C2CD2L: variants seen among roughly 807,000 people sequenced by gnomAD.
The protein encoded by C2CD2L is phospholipid transfer protein C2CD2L.
In C2CD2L, 24 loss-of-function variants were observed where a neutral mutation model predicts 69.9. The ratio of observed to expected loss-of-function variants is 0.34; its 90% CI spans 0.25 to 0.48. The LOEUF (loss-of-function observed/expected upper bound fraction) is 0.48, where lower values mean the gene tolerates loss of function less well. Among genes scored for constraint, C2CD2L ranks in the 20% least tolerant of loss-of-function variants. C2CD2L has a pLI of 0.99. For synonymous variants in C2CD2L, 367 were observed against 391.0 expected (o/e 0.94, Z 0.72); for missense variants, 811 against 941.5 (o/e 0.86, Z 1.81).
Position 119,117,793 on chromosome 11 carries a change from C to T in C2CD2L, c.*1537C>T, listed in dbSNP as rs1182013860. ...CAGGATATTGGGCAGAATGCAGGACCAGGAAGCAAGAAAACTGAGTCTGCC... is the reference window on the plus strand; with the variant it reads ...CAGGATATTGGGCAGAATGCAGGACTAGGAAGCAAGAAAACTGAGTCTGCC... On this transcript the variant is annotated 3_prime_UTR_variant, in exon 14 of 14. Transcript: ENST00000648610. 1.3e-5 allele frequency: 2 copies of T among 152,134 alleles called. No individual in the cohort carries two copies. The allele number at this position is 152,134 out of a possible 1,614,324, so 9.4% of individuals were successfully genotyped here.
Position 119,109,657 on chromosome 11 carries a change from C to T in C2CD2L, c.355-447C>T, listed in dbSNP as rs1357615635. ...ATCTTGAACAAGGTGGCTCTACCACCTTTACCGGGGCTTAGCCCTTTCCCT... is the reference window on the plus strand; with the variant it reads ...ATCTTGAACAAGGTGGCTCTACCACTTTTACCGGGGCTTAGCCCTTTCCCT... On this transcript the variant is annotated intron_variant, in intron 1 of 13. Transcript: ENST00000648610. The surrounding 1 kb of genome is among the most constrained non-coding windows in gnomAD (Gnocchi z 5.1). Among the ~76,000 whole-genome samples the T allele has an allele frequency of 6.6e-6, 1 of 152,246 alleles. No individual in the cohort carries two copies. The highest frequency in any genetic ancestry group is 1.5e-5 in the Non-Finnish European group (1 of 68,044).
In C2CD2L at chr11:119,113,682, G is replaced by A; in HGVS notation, c.1459G>A (p.Gly487Ser). ...GACAACTGTGCTGAGTGAGAGCAGT[G>A]GCCCCAGCAATACCTCCCATAGCAG... ...KTTTVLSESS[G>S]PSNTSHSSSR... is the part of the protein sequence containing the mutation. The change falls in exon 11 of 14, where the codon GGC becomes AGC. Residue 487 changes from glycine (G) to serine (S), a missense_variant. Gly to Ser is a moderately conservative substitution (Grantham distance 56). Coordinates refer to ENST00000648610, the MANE Select transcript of C2CD2L (RefSeq NM_001290474.2). 6.2e-7 allele frequency: 1 copy of A among 1,613,958 alleles called. No individual in the cohort carries two copies. The highest frequency in any genetic ancestry group is 8.5e-7 in the Non-Finnish European group (1 of 1,179,964).
At chr11:119,112,992 C>G (rs1946791697) in intron 10 of C2CD2L, 118 bp downstream of exon 10, 2 of 779,784 alleles carry the variant, frequency 2.6e-6, no homozygotes. Flanking sequence ...TTCAGACATT[C>G]CATTCCAGTC....
At chr11:119,112,113 G>A (rs927596194) in intron 7 of C2CD2L, 1 of 563,972 alleles carries the variant, frequency 1.8e-6, no homozygotes. Flanking sequence ...GACCAGGGAG[G>A]ATTTGAATGC....
At chr11:119,108,776 T>A (rs954076234) in intron 1 of C2CD2L, among the ~76,000 whole-genome samples, 5 of 152,162 alleles carry the variant, frequency 3.3e-5, no homozygotes, top group Non-Finnish European at 7.4e-5. Context: ...GGTCATGAGA[T>A]GGAGATAAGG....
chr11:119,110,759 G>C lies in C2CD2L; in HGVS notation c.570+79G>C. 1 of 1,607,318 alleles carries C rather than the reference G, an allele frequency of 6.2e-7. No homozygotes were observed. On this transcript the variant is annotated intron_variant, in intron 3 of 13. Transcript: ENST00000648610. This position sits in a 1 kb window ranked among gnomAD's most constrained non-coding sequence, Gnocchi z 5.7. ...CTTCTTCCATTTGTTTCCTCTCTGG[G>C]ATGGAATTCAGGAAGGGAGAGTCCT... is the stretch of plus-strand genomic sequence containing the variant.
rs369181429 is a variant in C2CD2L at position 119,110,850 on chromosome 11, G to A, written c.574G>A (p.Glu192Lys). The change falls in exon 4 of 14, where the codon GAA becomes AAA. Residue 192 changes from glutamate (E) to lysine (K), a missense_variant. Glu to Lys is a moderately conservative substitution (Grantham distance 56, BLOSUM62 1). Coordinates refer to ENST00000648610, the MANE Select transcript of C2CD2L (RefSeq NM_001290474.2). This position sits in a 1 kb window ranked among gnomAD's most constrained non-coding sequence, Gnocchi z 5.7. Reference sequence around the variant, plus strand: ...GTCACTTTGTTCCTGTCTGTAGTTGGAAGTCAACCTGGAGGAAATCCCTGG... The same window carrying A: ...GTCACTTTGTTCCTGTCTGTAGTTGAAAGTCAACCTGGAGGAAATCCCTGG... ...VTLTLPPTQL[E>K]VNLEEIPGEG... 6 of 1,613,910 alleles carry A rather than the reference G, an allele frequency of 3.7e-6. No individual in the cohort carries two copies. In the East Asian group the frequency reaches 1.1e-4, roughly 30 times the overall value.
At chr11:119,102,644 T>C (rs916097767), upstream of C2CD2L, among the ~76,000 whole-genome samples, 2 of 151,878 alleles carry the variant, frequency 1.3e-5, no homozygotes, top group Non-Finnish European at 2.9e-5. Flanking sequence ...CACTGCATTG[T>C]ACCTAGCTCC....
At chr11:119,115,724 T>C in intron 13 of C2CD2L, 1 of 450,276 alleles carries the variant, frequency 2.2e-6, no homozygotes, top group Admixed American at 3.8e-5. Flanking sequence ...TCCCAGTTTG[T>C]CCTCACAAAG....
In C2CD2L at chr11:119,113,983, T is replaced by G. The variant is rs1946820037; in HGVS notation, c.1618T>G (p.Ser540Ala). ...KRSTLIISGV[S>A]KVPIAQDELA... The stretch of plus-strand genomic sequence containing the variant: ...CAGCACTCTCATCATCTCTGGTGTT[T>G]CCAAGGTAACAGGGCTCTGGGGAGA... The change falls in exon 12 of 14, where the codon TCC becomes GCC. Residue 540 changes from serine to alanine, a missense_variant. Coordinates refer to ENST00000648610, the MANE Select transcript of C2CD2L (RefSeq NM_001290474.2). 1.2e-6 allele frequency: 2 copies of G among 1,614,026 alleles called. No homozygotes were observed. Among genetic ancestry groups the G allele is most frequent in the Non-Finnish European group, 1.7e-6 (2 of 1,179,958 alleles).
chr11:119,111,764 G>A (rs972046109), intron 7 of C2CD2L, 135 bp downstream of exon 7: 15 of 645,170 alleles, frequency 2.3e-5, no homozygotes, highest in Admixed American at 1.5e-4. Flanking sequence ...AGGCCCTGGC[G>A]TGGGTCTTAG....
upstream of C2CD2L, among the ~76,000 whole-genome samples, chr11:119,103,462 G>A (rs1055768078): frequency 3.3e-5 from 5 of 152,288 alleles, no homozygotes; most frequent in South Asian, 2.1e-4. Context: ...TTTGGTAGGC[G>A]AAGGTGGGTG....
rs1038928015 is a variant in C2CD2L at position 119,111,068 on chromosome 11, T to C, written c.698T>C (p.Val233Ala). The change falls in exon 5 of 14, where the codon GTG becomes GCG. Residue 233 changes from valine (V) to alanine (A), a missense_variant. By Grantham distance (64) the Val-to-Ala change is moderately conservative (BLOSUM62 0). Coordinates refer to ENST00000648610, the MANE Select transcript of C2CD2L (RefSeq NM_001290474.2). ...TCTCTGCAGAGAGGTGAAGAACAAG[T>C]GGAGCTCTCCACAATTGAGGAACTG... ...LQARERGEEQ[V>A]ELSTIEELIK... 7 of 1,613,912 alleles carry C rather than the reference T, an allele frequency of 4.3e-6. No homozygotes were observed. The highest frequency in any genetic ancestry group is 5.9e-6 in the Non-Finnish European group (7 of 1,179,920).
In C2CD2L at chr11:119,110,418, G is replaced by A; in HGVS notation, c.451-143G>A. ...GGAGAGGAGTCTTTGGCATTTATCT[G>A]ATTCTTTTAGGGATTTATGATCCTG... is the stretch of plus-strand genomic sequence containing the variant. On this transcript the variant is annotated intron_variant, in intron 2 of 13. Transcript: ENST00000648610. This position sits in a 1 kb window ranked among gnomAD's most constrained non-coding sequence, Gnocchi z 5.7. 2.9e-6 allele frequency: 3 copies of A among 1,034,306 alleles called. No individual in the cohort carries two copies. Among genetic ancestry groups the A allele is most frequent in the Non-Finnish European group, 4.1e-6 (3 of 730,410 alleles). The allele number at this position is 1,034,306 out of a possible 1,614,324, so 64.1% of individuals were successfully genotyped here. A position where few individuals can be genotyped will look rare whatever the true frequency, so the allele number is the denominator to read the frequency against.
chr11:119,112,616 A>G lies in C2CD2L; in HGVS notation c.1212+7A>G. On this transcript the variant is annotated splice_region_variant and intron_variant, in intron 9 of 13. Transcript: ENST00000648610. Reference sequence around the variant, plus strand: ...AGCCACCATGGCAGTGGAGGTGAGAAGCTGACCCCTGGGGTAGGTGGGAGG... The same window carrying G: ...AGCCACCATGGCAGTGGAGGTGAGAGGCTGACCCCTGGGGTAGGTGGGAGG... 6.2e-7 allele frequency: 1 copy of G among 1,608,044 alleles called. No individual in the cohort carries two copies. The highest frequency in any genetic ancestry group is 8.5e-7 in the Non-Finnish European group (1 of 1,177,504).
upstream of C2CD2L, among the ~76,000 whole-genome samples, chr11:119,106,368 A>C (rs914046490): frequency 1.3e-5 from 2 of 152,212 alleles, no homozygotes; most frequent in African/African-American, 2.4e-5. Flanking sequence ...ACATGTATGA[A>C]GAAGGGGCTC....
Position 119,111,312 on chromosome 11 carries a change from C to T in C2CD2L, c.848C>T (p.Pro283Leu). 1 of 1,614,218 alleles carries T rather than the reference C, an allele frequency of 6.2e-7. No homozygotes were observed. The highest frequency in any genetic ancestry group is 8.5e-7 in the Non-Finnish European group (1 of 1,180,042). The change falls in exon 6 of 14, where the codon CCC becomes CTC. Residue 283 changes from proline (P) to leucine (L), a missense_variant. Physicochemically the swap from Pro to Leu is moderately conservative, Grantham distance 98 (BLOSUM62 -3). Coordinates refer to ENST00000648610, the MANE Select transcript of C2CD2L (RefSeq NM_001290474.2). ...PMMPQAQPAI[P>L]RPNRLFLRQL... Reference sequence around the variant, plus strand: ...ATGCCCCAGGCTCAGCCAGCCATCCCCAGACCTAACCGGTTATTCCTACGG... The same window carrying T: ...ATGCCCCAGGCTCAGCCAGCCATCCTCAGACCTAACCGGTTATTCCTACGG...
At position 119,108,045 on chromosome 11, in the gene C2CD2L, T is replaced by G; in HGVS notation, c.304T>G (p.Trp102Gly). 1.3e-6 allele frequency: 2 copies of G among 1,599,700 alleles called. No individual in the cohort carries two copies. Among genetic ancestry groups the G allele is most frequent in the Admixed American group, 3.4e-5 (2 of 59,038 alleles). Residue 102 changes from tryptophan to glycine, a missense_variant, in exon 1 of 14, where the codon TGG becomes GGG. Physicochemically the swap from Trp to Gly is radical, Grantham distance 184. Coordinates refer to ENST00000648610, the MANE Select transcript of C2CD2L (RefSeq NM_001290474.2). ...LFAFKSFREN[W>G]QRAWVRALNE... ...CGCCTTCAAGTCTTTCCGGGAGAAC[T>G]GGCAGCGGGCTTGGGTGCGAGCGCT...
intron 11 of C2CD2L, 30 bp from the exon 12 acceptor site, chr11:119,113,825 C>T (rs778982803): frequency 1.2e-6 from 2 of 1,612,254 alleles, no homozygotes; most frequent in East Asian, 2.2e-5. Context: ...AGGGAGAAGT[C>T]AGGTTATTCA....
Sources: gnomAD v4.1 joint callset for allele counts (sites outside exome capture counted in the v4.1 genomes callset) on GRCh38, gnomAD v4.1.1 for gene constraint, Gnocchi (gnomAD v3.1) non-coding constraint, MANE v1.5 for transcripts, NCBI Gene and HGNC (gene_info 2026-07-23, HGNC 2026-07-21) for gene names.